Variants in ENDOV observed in about 807,000 individuals in gnomAD.
ENDOV encodes endonuclease V.
ENDOV carries 37 observed loss-of-function variants against 39.4 expected under a neutral mutation model. The observed-to-expected ratio is 0.94, with a 90% CI of 0.72 to 1.23. The LOEUF (loss-of-function observed/expected upper bound fraction) is 1.23. ENDOV is among the 50% of genes most tolerant of loss of function. The pLI is 0.00. For missense variants in ENDOV, 441 were observed against 375.7 expected (o/e 1.17, Z -1.44); for synonymous variants, 186 against 163.4 (o/e 1.14, Z -1.05).
Position 80,437,784 on chromosome 17 carries a change from C to G in ENDOV, c.*1641C>G, listed in dbSNP as rs530159351. On this transcript the variant is annotated 3_prime_UTR_variant, in exon 10 of 10. Coordinates refer to ENST00000518137, the MANE Select transcript of ENDOV (RefSeq NM_173627.5). ...TCCTTAAAAGGTGAAGGACCCTGGT[C>G]CTTGGCTTTTCGTGCACATGAGAAA... The G allele has an allele frequency of 6.6e-6, 1 of 152,346 alleles. No homozygotes were observed. Among genetic ancestry groups the G allele is most frequent in the East Asian group, 1.9e-4 (1 of 5,188 alleles). 9.4% of individuals were successfully genotyped at this position (152,346 alleles called of 1,614,324 possible).
chr17:80,415,667 A>G lies in ENDOV; in HGVS notation c.74A>G (p.Lys25Arg). ...CCTCCTAGGGAGCAAGCTCGGCTGA[A>G]GGCCCACGTCGTAGACCGGGACACC... is the stretch of plus-strand genomic sequence containing the variant. ...SLWKREQARL[K>R]AHVVDRDTEA... The change falls in exon 2 of 10, where the codon AAG (lysine) becomes AGG (arginine). Residue 25 changes from lysine to arginine, a missense_variant. Coordinates refer to ENST00000518137, the MANE Select transcript of ENDOV (RefSeq NM_173627.5). 6.2e-7 allele frequency: 1 copy of G among 1,612,628 alleles called. No individual in the cohort carries two copies. Among genetic ancestry groups the G allele is most frequent in the Non-Finnish European group, 8.5e-7 (1 of 1,179,400 alleles).
intron 8 of ENDOV, 52 bp from the exon 9 acceptor site, chr17:80,429,721 G>A: frequency 2.6e-6 from 4 of 1,534,370 alleles, no homozygotes; most frequent in African/African-American, 1.4e-5. Context: ...GTGAGGGGGT[G>A]TCAGGTAGGC....
chr17:80,425,345 G>A (rs2082562971), intron 6 of ENDOV, 147 bp from the exon 7 acceptor site: 2 of 1,232,334 alleles, frequency 1.6e-6, no homozygotes, highest in Non-Finnish European at 2.2e-6. Context: ...CCCTGAGGGT[G>A]GGCAGGCCCT....
intron 9 of ENDOV, 89 bp from the exon 10 acceptor site, chr17:80,436,044 T>C (rs1372593376): frequency 8.2e-6 from 12 of 1,456,626 alleles, no homozygotes; most frequent in Non-Finnish European, 1.1e-5. Context: ...CGCGAGCCAC[T>C]GCACCTGGCC....
chr17:80,425,608 G>C lies in ENDOV; in HGVS notation c.702G>C (p.Glu234Asp). ...TCCCCRFRIP[E>D]PVRQADICSR... ...GCTGCTGCAGGTTCCGGATCCCAGA[G>C]CCCGTGCGCCAGGTGGGTGTGCTGG... is the stretch of plus-strand genomic sequence containing the variant. The change falls in exon 7 of 10, where the codon GAG (glutamate) becomes GAC (aspartate). Residue 234 changes from glutamate to aspartate, a missense_variant. Glu to Asp is a conservative substitution (Grantham distance 45). Coordinates refer to ENST00000518137, the MANE Select transcript of ENDOV (RefSeq NM_173627.5). 6.3e-7 allele frequency: 1 copy of C among 1,584,452 alleles called. No individual in the cohort carries two copies. The highest frequency in any genetic ancestry group is 8.5e-7 in the Non-Finnish European group (1 of 1,171,388).
chr17:80,419,423 G>A (rs566315047), intron 2 of ENDOV: 1 of 611,916 alleles, frequency 1.6e-6, no homozygotes, highest in East Asian at 2.8e-5. Context: ...TGCTCCGCAG[G>A]CCTCTGGCGG....
At chr17:80,423,435 C>A (rs2144965386) in intron 4 of ENDOV, 85 bp from the exon 5 acceptor site, 2 of 1,334,762 alleles carry the variant, frequency 1.5e-6, no homozygotes, top group Admixed American at 4.4e-5. Context: ...CTTAGGGAAG[C>A]TTTTGGTAAG....
intron 1 of ENDOV, 56 bp downstream of exon 1, chr17:80,415,306 C>G (rs747152062): frequency 2.5e-6 from 4 of 1,587,412 alleles, no homozygotes; most frequent in Admixed American, 1.7e-5. Flanking sequence ...CGGCCCTTCG[C>G]GGACCCTCCG....
intron 6 of ENDOV, 77 bp downstream of exon 6, chr17:80,425,177 G>C: frequency 7.8e-7 from 1 of 1,275,294 alleles, no homozygotes; most frequent in Non-Finnish European, 1.1e-6. Flanking sequence ...GGTGCATGCA[G>C]ACACGCGTGC....
At chr17:80,434,313 A>G (rs41302924) in intron 9 of ENDOV, among the ~76,000 whole-genome samples, 5 of 152,176 alleles carry the variant, frequency 3.3e-5, no homozygotes, top group African/African-American at 1.2e-4. Flanking sequence ...GTCATATTCC[A>G]TCATATGGAT....
intron 1 of ENDOV, 47 bp downstream of exon 1, chr17:80,415,297 G>T (rs770299286): frequency 6.2e-7 from 1 of 1,600,240 alleles, no homozygotes; most frequent in South Asian, 1.1e-5. Flanking sequence ...GAGGCCGGGC[G>T]GCCCTTCGCG....
intron 8 of ENDOV, among the ~76,000 whole-genome samples, chr17:80,429,563 A>AC (rs916660418): frequency 6.6e-6 from 1 of 151,608 alleles, no homozygotes; most frequent in Non-Finnish European, 1.5e-5. Context: ...GGTGGCGGGG[A>AC]CCCCCCAAGC....
At position 80,428,647 on chromosome 17, in the gene ENDOV, C is replaced by A; in HGVS notation, c.766C>A (p.Pro256Thr). The A allele has an allele frequency of 1.3e-6, 2 of 1,581,378 alleles. No individual in the cohort carries two copies. The highest frequency in any genetic ancestry group is 2.3e-5 in the East Asian group (1 of 43,254). Residue 256 changes from proline (P) to threonine (T), a missense_variant, in exon 8 of 10, where the codon CCA becomes ACA. Physicochemically the swap from Pro to Thr is conservative, Grantham distance 38 (BLOSUM62 -1). Coordinates refer to ENST00000518137, the MANE Select transcript of ENDOV (RefSeq NM_173627.5). Reference protein sequence around the residue: ...HIRKSLGLPGPPTPRSPKAQR... With the variant: ...HIRKSLGLPGTPTPRSPKAQR... ...CCGCAAGTCGCTGGGACTCCCCGGG[C>A]CACCCACACCGAGGTGAGCACCCAG...
intron 8 of ENDOV, 125 bp from the exon 9 acceptor site, chr17:80,429,648 C>A: frequency 3.3e-6 from 3 of 904,336 alleles, no homozygotes; most frequent in East Asian, 2.6e-5. Flanking sequence ...CTGCCCTCTG[C>A]CCTGGGCTGT....
At chr17:80,416,184 C>A (rs2081130045) in intron 2 of ENDOV, 1 of 175,270 alleles carries the variant, frequency 5.7e-6, no homozygotes, top group African/African-American at 2.6e-5. Context: ...TTGCGGTGAG[C>A]CAACATCACG....
intron 8 of ENDOV, among the ~76,000 whole-genome samples, chr17:80,428,964 A>G (rs1029181218): frequency 2.6e-5 from 4 of 152,108 alleles, no homozygotes; most frequent in Non-Finnish European, 5.9e-5. Context: ...TCCTCAGTCC[A>G]CTTAGCCTGT....
intron 2 of ENDOV, 104 bp from the exon 3 acceptor site, chr17:80,421,724 C>A: frequency 7.0e-7 from 1 of 1,432,442 alleles, no homozygotes; most frequent in Non-Finnish European, 9.4e-7. Context: ...ATGAGGGTGA[C>A]GTAAGGGAGA....
intron 2 of ENDOV, chr17:80,419,744 C>T: frequency 1.4e-6 from 1 of 692,824 alleles, no homozygotes; most frequent in South Asian, 1.5e-5. Context: ...TGGTCATGCC[C>T]TCCGTTCACA....
chr17:80,423,474 GCCCCA>G, intron 4 of ENDOV, 41 bp from the exon 5 acceptor site: 208 of 1,449,388 alleles, frequency 1.4e-4, no homozygotes, highest in Non-Finnish European at 1.7e-4. Flanking sequence ...CCTGTGCCAG[GCCCCA>G]GCCCCACCTC....
Sources: gnomAD v4.1 joint callset for allele counts (sites outside exome capture counted in the v4.1 genomes callset) on GRCh38, gnomAD v4.1.1 for gene constraint, MANE v1.5 for transcripts, NCBI Gene and HGNC (gene_info 2026-07-23, HGNC 2026-07-21) for gene names.